CCDC30: variants seen among roughly 807,000 people sequenced by gnomAD.
CCDC30 encodes the protein coiled-coil domain containing 30, also known as coiled-coil domain-containing protein 30.
Under a neutral mutation model 100.2 loss-of-function variants are expected in CCDC30, and 70 were observed. That is an observed-to-expected ratio of 0.70 (90% CI 0.58 to 0.85). The LOEUF (loss-of-function observed/expected upper bound fraction) is 0.85. Ranked by LOEUF, CCDC30 falls within the 40% of genes least tolerant of loss-of-function variation. The pLI, the probability that CCDC30 is intolerant of heterozygous loss-of-function variation, is 0.00. For missense variants in CCDC30, 652 were observed against 771.2 expected (o/e 0.85, Z 1.83); for synonymous variants, 233 against 269.5 (o/e 0.86, Z 1.33).
In CCDC30 at chr1:42,513,525, G is replaced by T. The variant is rs143630906; in HGVS notation, c.456+14609G>T. ...CCATTTTGATCATGCCTAGTCCCAG[G>T]TAGCCTTTTCCTATTGGCACAACTG... On this transcript the variant is annotated intron_variant, in intron 6 of 16. Transcript: ENST00000668663. Among the ~76,000 whole-genome samples the T allele has an allele frequency of 7.9e-3, 1,199 of 152,252 alleles. 21 individuals are homozygous for T. The highest frequency in any genetic ancestry group is 0.027 in the African/African-American group (1,121 of 41,522).
downstream of CCDC30, among the ~76,000 whole-genome samples, chr1:42,657,155 A>G (rs1328771615): frequency 6.6e-6 from 1 of 152,252 alleles, no homozygotes; most frequent in Admixed American, 6.5e-5. Flanking sequence ...CTAGGAAATA[A>G]TAACTATTTT....
chr1:42,633,130 A>G (rs1379434189), intron 11 of CCDC30, among the ~76,000 whole-genome samples: 1 of 152,138 alleles, frequency 6.6e-6, no homozygotes, highest in Non-Finnish European at 1.5e-5. Flanking sequence ...TATTCTTTGT[A>G]TCACAAATTT....
At chr1:42,646,215 A>C in exon 15 of CCDC30, 1 of 1,573,756 alleles carries the variant, frequency 6.4e-7, no homozygotes, top group Non-Finnish European at 8.6e-7. Flanking sequence ...AACAGAAAGA[A>C]ATATACAGCA....
At chr1:42,643,419 C>T (rs1647619204) in intron 13 of CCDC30, among the ~76,000 whole-genome samples, 1 of 152,210 alleles carries the variant, frequency 6.6e-6, no homozygotes, top group Non-Finnish European at 1.5e-5. Context: ...GCTTTGGGCA[C>T]ACGTCTCTGG....
intron 6 of CCDC30, chr1:42,545,567 C>A (rs1232097463): frequency 6.2e-7 from 1 of 1,601,568 alleles, no homozygotes; most frequent in Non-Finnish European, 8.5e-7. Flanking sequence ...AAGGAAGAGA[C>A]AGAGGAACTC....
chr1:42,516,703 A>G (rs182713406), intron 6 of CCDC30, among the ~76,000 whole-genome samples: 1 of 151,872 alleles, frequency 6.6e-6, no homozygotes, highest in East Asian at 1.9e-4. Flanking sequence ...TAAGGCCCTT[A>G]CCACATGCAG....
At chr1:42,493,623 CCG>C (rs1644182081) in intron 4 of CCDC30, among the ~76,000 whole-genome samples, 1 of 151,866 alleles carries the variant, frequency 6.6e-6, no homozygotes, top group East Asian at 1.9e-4. Context: ...AAAGACAGAA[CCG>C]CAATAGAGTA....
At chr1:42,637,214 TA>T in intron 11 of CCDC30, 22 bp from the exon 16 acceptor site, 1 of 1,569,302 alleles carries the variant, frequency 6.4e-7, no homozygotes, top group Non-Finnish European at 8.6e-7. Flanking sequence ...CAGATGTGTC[TA>T]AACTCAAATT....
In CCDC30 at chr1:42,596,738, A is replaced by AAAAC. The variant is rs1281962334; in HGVS notation, c.1164+7275_1164+7278dup. On this transcript the variant is annotated intron_variant, in intron 10 of 16. Transcript: ENST00000668663. The surrounding 1 kb of genome is among the most constrained non-coding windows in gnomAD (Gnocchi z 4.3). ...ATTACAAGACACGCTAAAAGGCAAA[A>AAAAC]AAACAAACAAACAAACAAACAAAAA... 1.1e-4 allele frequency among the ~76,000 whole-genome samples: 12 copies of AAAAC among 107,190 alleles called. No individual in the cohort carries two copies. Among genetic ancestry groups the AAAAC allele is most frequent in the East Asian group, 2.6e-4 (1 of 3,856 alleles). 70.3% of individuals were successfully genotyped at this position (107,190 alleles called of 152,430 possible). A position where few individuals can be genotyped will look rare whatever the true frequency, so the allele number is the denominator to read the frequency against.
intron 6 of CCDC30, among the ~76,000 whole-genome samples, chr1:42,522,111 C>T (rs1034909029): frequency 2.0e-5 from 3 of 152,062 alleles, no homozygotes; most frequent in African/African-American, 7.2e-5. Flanking sequence ...AGATTACTTA[C>T]AATACTTAAT....
intron 6 of CCDC30, among the ~76,000 whole-genome samples, chr1:42,523,503 C>T (rs1644678966): frequency 6.6e-6 from 1 of 152,056 alleles, no homozygotes; most frequent in African/African-American, 2.4e-5. Context: ...TTCTCTCTTG[C>T]TGCTTTCAAC....
intron 1 of CCDC30, among the ~76,000 whole-genome samples, chr1:42,475,364 G>T (rs1363498765): frequency 6.6e-6 from 1 of 152,000 alleles, no homozygotes; most frequent in East Asian, 1.9e-4. Context: ...TTTTTTAGGT[G>T]GAAAATTATG....
intron 11 of CCDC30, among the ~76,000 whole-genome samples, chr1:42,616,036 C>T (rs548760373): frequency 8.5e-5 from 13 of 152,236 alleles, no homozygotes; most frequent in South Asian, 4.1e-4. Flanking sequence ...CTGCCTCAGC[C>T]TCCCGAGTAG....
At chr1:42,607,641 G>A (rs1405437537) in intron 10 of CCDC30, among the ~76,000 whole-genome samples, 2 of 150,612 alleles carry the variant, frequency 1.3e-5, no homozygotes, top group Non-Finnish European at 1.5e-5. Flanking sequence ...GTGGGTGAAA[G>A]TGCCCTGTTC....
intron 6 of CCDC30, among the ~76,000 whole-genome samples, chr1:42,566,072 C>G (rs1319354255): frequency 6.6e-6 from 1 of 152,106 alleles, no homozygotes. Flanking sequence ...CTTTTGTTAA[C>G]ATAATTTTAT....
At chr1:42,510,992 A>G (rs1446461054) in intron 6 of CCDC30, among the ~76,000 whole-genome samples, 1 of 152,062 alleles carries the variant, frequency 6.6e-6, no homozygotes, top group African/African-American at 2.4e-5. Flanking sequence ...TGCTTCAGAA[A>G]GCACTACAGA....
At chr1:42,507,126 C>T (rs901173025) in intron 6 of CCDC30, among the ~76,000 whole-genome samples, 6 of 152,064 alleles carry the variant, frequency 3.9e-5, no homozygotes, top group African/African-American at 4.8e-5. Context: ...GGGGTTTCAC[C>T]GTGTTGTTCA....
chr1:42,492,027 CT>C, intron 4 of CCDC30: 1 of 555,104 alleles, frequency 1.8e-6, no homozygotes, highest in Admixed American at 2.5e-5. Flanking sequence ...AAAAAACTAA[CT>C]TCCAGGGCAT....
intron 1 of CCDC30, among the ~76,000 whole-genome samples, chr1:42,467,326 G>T (rs1465682443): frequency 6.6e-6 from 1 of 152,188 alleles, no homozygotes; most frequent in African/African-American, 2.4e-5. Flanking sequence ...CATCAGTTAA[G>T]GTTGCTATTA....
Sources: gnomAD v4.1 joint callset for allele counts (sites outside exome capture counted in the v4.1 genomes callset) on GRCh38, gnomAD v4.1.1 for gene constraint, Gnocchi (gnomAD v3.1) non-coding constraint, MANE v1.5 for transcripts, NCBI Gene and HGNC (gene_info 2026-07-23, HGNC 2026-07-21) for gene names.